OSBPL10: variants seen among roughly 807,000 people sequenced by gnomAD.
OSBPL10 encodes oxysterol binding protein like 10.
Under a neutral mutation model 81.7 loss-of-function variants are expected in OSBPL10, and 49 were observed. The observed-to-expected ratio is 0.60, with a 90% CI of 0.48 to 0.76. The LOEUF is 0.76. OSBPL10 is among the 30% of genes least tolerant of loss of function. The pLI, the probability that OSBPL10 is intolerant of heterozygous loss-of-function variation, is 0.00. For missense variants in OSBPL10, 923 were observed against 987.8 expected, an observed-to-expected ratio of 0.93 and a Z score of 0.88; for synonymous variants, 419 against 383.6, an observed-to-expected ratio of 1.09 and a Z score of -1.08.
At chr3:31,801,157 A>T (rs1699368514) in intron 4 of OSBPL10, among the ~76,000 whole-genome samples, 1 of 152,158 alleles carries the variant, frequency 6.6e-6, no homozygotes, top group Non-Finnish European at 1.5e-5. Flanking sequence ...CAGGTACAAG[A>T]ACCAACAACT....
At chr3:31,848,723 C>A (rs180671082) in intron 3 of OSBPL10, among the ~76,000 whole-genome samples, 347 of 152,248 alleles carry the variant, frequency 2.3e-3, no homozygotes, top group African/African-American at 8.0e-3. Context: ...TGGCCAAAAG[C>A]TGAGAGTCCA....
At chr3:32,067,740 C>T (rs1699790525) in intron 1 of OSBPL10, among the ~76,000 whole-genome samples, 1 of 152,170 alleles carries the variant, frequency 6.6e-6, no homozygotes, top group African/African-American at 2.4e-5. Flanking sequence ...GTGAGATCCA[C>T]CCACTACCCA....
intron 2 of OSBPL10, among the ~76,000 whole-genome samples, chr3:32,018,612 G>A (rs577975036): frequency 1.3e-5 from 2 of 152,244 alleles, no homozygotes; most frequent in East Asian, 3.9e-4. Context: ...AGGCTGAGGT[G>A]GGAAGATCAT....
intron 4 of OSBPL10, among the ~76,000 whole-genome samples, chr3:31,784,858 A>G (rs1190065686): frequency 1.1e-5 from 1 of 93,554 alleles, no homozygotes; most frequent in East Asian, 3.6e-4. Context: ...GTTAATCTGT[A>G]TGACTTAATA....
At chr3:32,026,568 A>G (rs1699415706) in intron 2 of OSBPL10, among the ~76,000 whole-genome samples, 1 of 152,208 alleles carries the variant, frequency 6.6e-6, no homozygotes, top group African/African-American at 2.4e-5. Context: ...CCCTAAATGT[A>G]TATTGCAACA....
chr3:31,706,714 A>C (rs1696077650), intron 6 of OSBPL10, among the ~76,000 whole-genome samples: 1 of 152,218 alleles, frequency 6.6e-6, no homozygotes, highest in African/African-American at 2.4e-5. Flanking sequence ...TTAATTCTTC[A>C]ATACAAATGC....
chr3:31,684,341 G>A (rs1341551184), intron 7 of OSBPL10, among the ~76,000 whole-genome samples: 3 of 152,218 alleles, frequency 2.0e-5, no homozygotes, highest in Non-Finnish European at 2.9e-5. Context: ...AGACTGCTCT[G>A]AGTGATTTTC....
chr3:31,747,429 C>A (rs1021723366), intron 5 of OSBPL10, among the ~76,000 whole-genome samples: 5 of 147,944 alleles, frequency 3.4e-5, no homozygotes, highest in African/African-American at 5.0e-5. Flanking sequence ...TTGAAAGGTT[C>A]CGTGTCCATT....
chr3:31,863,786 C>A (rs1701111915), intron 3 of OSBPL10, among the ~76,000 whole-genome samples: 1 of 152,006 alleles, frequency 6.6e-6, no homozygotes, highest in Non-Finnish European at 1.5e-5. Flanking sequence ...TAATAGTTCT[C>A]TCTCTATAAA....
At chr3:31,967,631 T>TAGGGAAAGGATAAAAAC (rs1167788642) in intron 1 of OSBPL10, among the ~76,000 whole-genome samples, 2 of 152,182 alleles carry the variant, frequency 1.3e-5, no homozygotes, top group African/African-American at 2.4e-5. Flanking sequence ...AACAACTTAA[T>TAGGGAAAGGATAAAAAC]AGGGAAAGGA....
At chr3:32,002,711 G>A (rs990606822) in intron 2 of OSBPL10, among the ~76,000 whole-genome samples, 10 of 152,216 alleles carry the variant, frequency 6.6e-5, no homozygotes, top group African/African-American at 2.4e-4. Flanking sequence ...GAGAAAAAAG[G>A]TTTCTCAGTG....
At position 31,777,637 on chromosome 3, in the gene OSBPL10, C is replaced by T. The variant is rs147761047; in HGVS notation, c.730-29517G>A. Among the ~76,000 whole-genome samples, 18 of 152,272 alleles carry T rather than the reference C, an allele frequency of 1.2e-4. No homozygotes were observed. The East Asian group carries it at 2.1e-3, about 18-fold the overall frequency. On this transcript the variant is annotated intron_variant, in intron 4 of 11. Transcript: ENST00000396556. ...AAGAATTCACAGATCCTTTGAAAAA[C>T]GTGGCCACTCTCCTTGCAGGCCACT...
At position 32,054,526 on chromosome 3, in the gene OSBPL10, C is replaced by CTTTTTTTTTTTTTTTTTTTTTT. The variant is rs755489489; in HGVS notation, n.186-7945_186-7924dup. ...ACCAACATTTCCTGGTCAATGGTGG[C>CTTTTTTTTTTTTTTTTTTTTTT]TTTTTTTTTTTTTTTTTTTTTTTGA... On this transcript the variant is annotated intron_variant and non_coding_transcript_variant, in intron 1 of 3. Coordinates refer to the OSBPL10 transcript ENST00000479173. Among the ~76,000 whole-genome samples the CTTTTTTTTTTTTTTTTTTTTTT allele has an allele frequency of 4.6e-5, 4 of 86,604 alleles. 1 individual carries two copies. The highest frequency in any genetic ancestry group is 4.6e-5 in the African/African-American group (1 of 21,832). 56.8% of individuals were successfully genotyped at this position (86,604 alleles called of 152,430 possible). A position where few individuals can be genotyped will look rare whatever the true frequency, so the allele number is the denominator to read the frequency against.
chr3:31,853,419 T>G (rs1448712674), intron 3 of OSBPL10, among the ~76,000 whole-genome samples: 1 of 151,956 alleles, frequency 6.6e-6, no homozygotes, highest in African/African-American at 2.4e-5. Context: ...ATGATGGAGG[T>G]AAAGTCTATG....
chr3:31,818,254 G>A (rs1415069747), intron 4 of OSBPL10, among the ~76,000 whole-genome samples: 1 of 152,084 alleles, frequency 6.6e-6, no homozygotes, highest in African/African-American at 2.4e-5. Context: ...AGGCCTCAAT[G>A]GAACAAAAGA....
chr3:31,753,185 A>AT lies in OSBPL10; in HGVS notation c.730-5066dup, dbSNP rs34050690. 2.8e-3 allele frequency among the ~76,000 whole-genome samples: 388 copies of AT among 141,008 alleles called. 3 individuals carry two copies. The highest frequency in any genetic ancestry group is 3.7e-3 in the Non-Finnish European group (240 of 64,892). The allele number at this position is 141,008 out of a possible 152,430, so 92.5% of individuals were successfully genotyped here. A position where few individuals can be genotyped will look rare whatever the true frequency, so the allele number is the denominator to read the frequency against. On this transcript the variant is annotated intron_variant, in intron 4 of 11. Transcript: ENST00000396556. The stretch of plus-strand genomic sequence containing the variant: ...TAAGCTTTAAAGCTGTGCTTCAAGG[A>AT]TTTTTTTTTTTTTTTTTTTAGACAG...
At chr3:31,862,468 A>ACAGTAAAATGT (rs1701079747) in intron 3 of OSBPL10, among the ~76,000 whole-genome samples, 1 of 152,232 alleles carries the variant, frequency 6.6e-6, no homozygotes, top group Non-Finnish European at 1.5e-5. Context: ...AACAAATGCA[A>ACAGTAAAATGT]CAGTAAAATG....
rs386396290 is a variant in OSBPL10, at chr3:31,905,345, A to ATTTTTTTTTTTTTTTTTT, written c.282-25533_282-25516dup. On this transcript the variant is annotated intron_variant, in intron 1 of 11. Transcript: ENST00000396556. Reference sequence around the variant, plus strand: ...GAGCTCTATGTCAAGGAACCTGGTGATTTTTTTTTTTTTTTTTTTTTTTAG... The same window carrying ATTTTTTTTTTTTTTTTTT: ...GAGCTCTATGTCAAGGAACCTGGTGATTTTTTTTTTTTTTTTTTTTTTTTTTTTTTTTTTTTTTTTTAG... Among the ~76,000 whole-genome samples the ATTTTTTTTTTTTTTTTTT allele has an allele frequency of 4.8e-3, 457 of 94,788 alleles. 72 individuals are homozygous for ATTTTTTTTTTTTTTTTTT. The highest frequency in any genetic ancestry group is 0.018 in the African/African-American group (391 of 21,264). 62.2% of individuals were successfully genotyped at this position (94,788 alleles called of 152,430 possible).
chr3:32,050,771 C>A (rs1699663764), intron 1 of OSBPL10, among the ~76,000 whole-genome samples: 1 of 151,784 alleles, frequency 6.6e-6, no homozygotes, highest in South Asian at 2.1e-4. Flanking sequence ...AAGTGATTCT[C>A]CTGCCTCAGC....
Sources: allele counts gnomAD v4.1 joint callset (sites outside exome capture counted in the v4.1 genomes callset), GRCh38; gene constraint gnomAD v4.1.1; transcripts MANE v1.5; gene names NCBI Gene and HGNC (gene_info 2026-07-23, HGNC 2026-07-21).